TACR1: variants seen among roughly 807,000 people sequenced by gnomAD.
TACR1 encodes substance-P receptor.
Under a neutral mutation model 35.8 loss-of-function variants are expected in TACR1, and 25 were observed. That is an observed-to-expected ratio of 0.70 (90% CI 0.51 to 0.98). The LOEUF (loss-of-function observed/expected upper bound fraction) is 0.98. Ranked by LOEUF, TACR1 falls within the 50% of genes least tolerant of loss-of-function variation. TACR1 has a pLI of 0.00. For missense variants in TACR1, 478 were observed against 522.9 expected (o/e 0.91, Z 0.84); for synonymous variants, 195 against 206.7 (o/e 0.94, Z 0.48).
rs1489438721 is a variant in TACR1, at chr2:75,049,211, C to T, written c.*221G>A. On this transcript the variant is annotated 3_prime_UTR_variant, in exon 5 of 5. Coordinates refer to ENST00000305249, the MANE Select transcript of TACR1 (RefSeq NM_001058.4). ...TTTATTTTACAGGCTCAGCAAAGTT[C>T]AGTGATTTGGTTTGAGTCACACAGC... 2 of 546,548 alleles carry T rather than the reference C, an allele frequency of 3.7e-6. No homozygotes were observed. The highest frequency in any genetic ancestry group is 3.8e-5 in the African/African-American group (2 of 53,150). The allele number at this position is 546,548 out of a possible 1,614,324, so 33.9% of individuals were successfully genotyped here. A position where few individuals can be genotyped will look rare whatever the true frequency, so the allele number is the denominator to read the frequency against.
At chr2:75,167,358 T>C (rs1427736574) in intron 1 of TACR1, among the ~76,000 whole-genome samples, 7 of 152,122 alleles carry the variant, frequency 4.6e-5, no homozygotes, top group Middle Eastern at 3.2e-3. Context: ...GCATGGTGTA[T>C]ATAGGAGGGT....
At chr2:75,086,980 G>A (rs1487503337) in intron 2 of TACR1, among the ~76,000 whole-genome samples, 1 of 152,160 alleles carries the variant, frequency 6.6e-6, no homozygotes, top group East Asian at 1.9e-4. Flanking sequence ...CAATATGGTA[G>A]CCACATGTGG....
intron 1 of TACR1, among the ~76,000 whole-genome samples, chr2:75,130,985 C>T (rs6757002): frequency 6.6e-6 from 1 of 151,938 alleles, no homozygotes; most frequent in South Asian, 2.1e-4. Context: ...TATGTTGGCT[C>T]AGTTATCAGA....
At chr2:75,079,068 G>T (rs1412380127) in intron 2 of TACR1, among the ~76,000 whole-genome samples, 1 of 152,140 alleles carries the variant, frequency 6.6e-6, no homozygotes, top group Non-Finnish European at 1.5e-5. Flanking sequence ...TCACCAGGCA[G>T]CCTATACCAT....
At chr2:75,074,542 C>G (rs1035786086) in intron 2 of TACR1, among the ~76,000 whole-genome samples, 2 of 152,078 alleles carry the variant, frequency 1.3e-5, no homozygotes, top group Non-Finnish European at 1.5e-5. Flanking sequence ...TTTCCCCAGA[C>G]TGGGGAAATA....
At chr2:75,177,625 C>T (rs1053937375) in intron 1 of TACR1, among the ~76,000 whole-genome samples, 7 of 152,120 alleles carry the variant, frequency 4.6e-5, no homozygotes, top group Non-Finnish European at 8.8e-5. Context: ...CTCCTACCCA[C>T]GTCCTTGCTT....
intron 2 of TACR1, among the ~76,000 whole-genome samples, chr2:75,056,986 G>A (rs1158880075): frequency 1.3e-5 from 2 of 152,130 alleles, no homozygotes; most frequent in South Asian, 2.1e-4. Context: ...CATCATTCAC[G>A]ACAGCTAAAA....
chr2:75,084,453 G>A (rs1038383501), intron 2 of TACR1, among the ~76,000 whole-genome samples: 9 of 152,202 alleles, frequency 5.9e-5, no homozygotes, highest in Non-Finnish European at 1.0e-4. Flanking sequence ...AAATGAGTTA[G>A]GGAGGATTCC....
intron 2 of TACR1, among the ~76,000 whole-genome samples, chr2:75,115,057 T>C (rs919126583): frequency 3.3e-5 from 5 of 150,640 alleles, no homozygotes; most frequent in African/African-American, 1.2e-4. Flanking sequence ...AGTAATAAAT[T>C]TTCAAAGGAG....
chr2:75,069,395 T>G (rs1192125382), intron 2 of TACR1, among the ~76,000 whole-genome samples: 1 of 151,994 alleles, frequency 6.6e-6, no homozygotes, highest in Non-Finnish European at 1.5e-5. Context: ...TTAGAATAAT[T>G]TAGATTTACA....
In TACR1 at chr2:75,199,288, C is replaced by A. The variant is rs1676073776; in HGVS notation, c.-354G>T. 1 of 241,914 alleles carries A rather than the reference C, an allele frequency of 4.1e-6. No homozygotes were observed. The highest frequency in any genetic ancestry group is 8.1e-6 in the Non-Finnish European group (1 of 122,742). 15.0% of individuals were successfully genotyped at this position (241,914 alleles called of 1,614,324 possible). ...GAGATCCCCCGCATTTATGCACCTG[C>A]TGCTGCCTGCAACTCCTATTTCTCC... On this transcript the variant is annotated 5_prime_UTR_variant, in exon 1 of 5. Coordinates refer to ENST00000305249, the MANE Select transcript of TACR1 (RefSeq NM_001058.4).
intron 1 of TACR1, among the ~76,000 whole-genome samples, chr2:75,122,872 C>A (rs945396437): frequency 6.6e-6 from 1 of 152,198 alleles, no homozygotes; most frequent in African/African-American, 2.4e-5. Context: ...AGATGACCTT[C>A]CATCTCTGGG....
chr2:75,116,287 AG>A (rs768872606), intron 2 of TACR1, among the ~76,000 whole-genome samples: 49 of 152,156 alleles, frequency 3.2e-4, no homozygotes, highest in Non-Finnish European at 6.0e-4. Context: ...ATTTGTAGAG[AG>A]GGGGTTTCAC....
chr2:75,110,812 A>ATTTT (rs1673735174), intron 2 of TACR1, among the ~76,000 whole-genome samples: 1 of 152,012 alleles, frequency 6.6e-6, no homozygotes, highest in Non-Finnish European at 1.5e-5. Flanking sequence ...AAAATCTTAC[A>ATTTT]TAATTGCTGT....
intron 1 of TACR1, among the ~76,000 whole-genome samples, chr2:75,166,751 C>G (rs1182183297): frequency 6.6e-6 from 1 of 152,168 alleles, no homozygotes; most frequent in Non-Finnish European, 1.5e-5. Flanking sequence ...GTTACATCCT[C>G]TTTTATTTGG....
At chr2:75,104,642 A>T (rs995327046) in intron 2 of TACR1, among the ~76,000 whole-genome samples, 4 of 152,250 alleles carry the variant, frequency 2.6e-5, no homozygotes, top group Middle Eastern at 3.4e-3. Context: ...TTAGGATGTA[A>T]AACAAGTCTT....
chr2:75,169,799 A>G (rs1370862140), intron 1 of TACR1, among the ~76,000 whole-genome samples: 2 of 152,128 alleles, frequency 1.3e-5, no homozygotes, highest in South Asian at 2.1e-4. Flanking sequence ...AAGAATAACT[A>G]GTATGTGGAG....
intron 2 of TACR1, among the ~76,000 whole-genome samples, chr2:75,063,663 GGT>G (rs1192697229): frequency 6.6e-6 from 1 of 151,994 alleles, no homozygotes; most frequent in Non-Finnish European, 1.5e-5. Context: ...CCTCCTTACT[GGT>G]GTCAGCTCTG....
chr2:75,047,951 A>T lies in TACR1; in HGVS notation c.*1481T>A, dbSNP rs1268193137. On this transcript the variant is annotated 3_prime_UTR_variant, in exon 5 of 5. Coordinates refer to ENST00000305249, the MANE Select transcript of TACR1 (RefSeq NM_001058.4). ...GCTTCTGCTTCCAGCCATATCTGGAAAAAACACAGATTTGGGAGACAGAAA... is the reference window on the plus strand; with the variant it reads ...GCTTCTGCTTCCAGCCATATCTGGATAAAACACAGATTTGGGAGACAGAAA... The T allele has an allele frequency of 6.6e-6, 1 of 152,212 alleles. No individual in the cohort carries two copies. The highest frequency in any genetic ancestry group is 1.5e-5 in the Non-Finnish European group (1 of 68,040). 9.4% of individuals were successfully genotyped at this position (152,212 alleles called of 1,614,324 possible).
Sources: allele counts gnomAD v4.1 joint callset (sites outside exome capture counted in the v4.1 genomes callset), GRCh38; gene constraint gnomAD v4.1.1; transcripts MANE v1.5; gene names NCBI Gene and HGNC (gene_info 2026-07-23, HGNC 2026-07-21).